KCNH7: variants seen among roughly 807,000 people sequenced by gnomAD.
KCNH7 encodes the protein potassium voltage-gated channel subfamily H member 7.
Under a neutral mutation model 120.8 loss-of-function variants are expected in KCNH7, and 49 were observed. The observed-to-expected ratio is 0.41, with a 90% CI of 0.32 to 0.51. The LOEUF (loss-of-function observed/expected upper bound fraction) is 0.51. Ranked by LOEUF, KCNH7 falls within the 20% of genes least tolerant of loss-of-function variation. KCNH7 has a pLI of 0.38. For synonymous variants in KCNH7, 547 were observed against 516.1 expected (o/e 1.06, Z -0.81); for missense variants, 1,097 against 1,446.6 (o/e 0.76, Z 3.92).
chr2:162,545,656 A>G (rs1692455109), intron 2 of KCNH7, among the ~76,000 whole-genome samples: 1 of 152,210 alleles, frequency 6.6e-6, no homozygotes, highest in Non-Finnish European at 1.5e-5. Flanking sequence ...GCTTGTTCTA[A>G]GTTAAAAGAT....
chr2:162,768,521 A>T lies in KCNH7; in HGVS notation c.307+68016T>A, dbSNP rs559437828. Among the ~76,000 whole-genome samples the T allele has an allele frequency of 1.6e-4, 25 of 152,318 alleles. No homozygotes were observed. The South Asian group carries it at 4.3e-3, about 26-fold the overall frequency. On this transcript the variant is annotated intron_variant, in intron 2 of 15. Transcript: ENST00000332142. ...AATTAAGCAATGCCACATTTGGATC[A>T]TGAACATGGATATAGGATAGAGAAA...
intron 12 of KCNH7, among the ~76,000 whole-genome samples, chr2:162,393,903 T>G (rs139930835): frequency 7.9e-5 from 12 of 152,046 alleles, no homozygotes; most frequent in Non-Finnish European, 1.3e-4. Context: ...TAAATGAATA[T>G]TTGTTGACTA....
At chr2:162,491,033 C>T (rs929035543) in intron 6 of KCNH7, among the ~76,000 whole-genome samples, 2 of 152,142 alleles carry the variant, frequency 1.3e-5, no homozygotes, top group African/African-American at 2.4e-5. Context: ...TCAGTGACCA[C>T]GCAGGACAGG....
intron 2 of KCNH7, among the ~76,000 whole-genome samples, chr2:162,762,779 T>G (rs886200779): frequency 3.3e-5 from 5 of 152,068 alleles, no homozygotes; most frequent in African/African-American, 4.8e-5. Flanking sequence ...TATAAAATTG[T>G]CATGAGACAT....
rs79511291 is a variant in KCNH7, at chr2:162,621,581, G to A, written c.308-84501C>T. Among the ~76,000 whole-genome samples, 750 of 152,138 alleles carry A rather than the reference G, an allele frequency of 4.9e-3. 7 individuals are homozygous for A. The highest frequency in any genetic ancestry group is 0.017 in the African/African-American group (716 of 41,516). On this transcript the variant is annotated intron_variant, in intron 2 of 15. Coordinates refer to ENST00000332142, the MANE Select transcript of KCNH7 (RefSeq NM_033272.4). Reference sequence around the variant, plus strand: ...TTGCTGAGTGGGTGAATAAAACCACGTAGAATTATTATGTGCATATATATT... The same window carrying A: ...TTGCTGAGTGGGTGAATAAAACCACATAGAATTATTATGTGCATATATATT...
chr2:162,395,365 G>C (rs1365676679), intron 11 of KCNH7, among the ~76,000 whole-genome samples: 1 of 151,614 alleles, frequency 6.6e-6, no homozygotes, highest in Admixed American at 6.6e-5. Flanking sequence ...TTATCGTAAG[G>C]TTAAATTTCA....
chr2:162,448,368 A>G, intron 6 of KCNH7, among the ~76,000 whole-genome samples: 1 of 152,130 alleles, frequency 6.6e-6, no homozygotes, highest in Non-Finnish European at 1.5e-5. Flanking sequence ...TGGCTTTCAA[A>G]GTCATTAAAG....
intron 6 of KCNH7, among the ~76,000 whole-genome samples, chr2:162,476,458 C>G (rs1393935109): frequency 1.3e-5 from 2 of 152,196 alleles, no homozygotes; most frequent in South Asian, 2.1e-4. Flanking sequence ...GATGCTGAAA[C>G]TAGATAATTT....
Position 162,423,390 on chromosome 2 carries a change from A to C in KCNH7, c.2100T>G (p.Leu700=), listed in dbSNP as rs765591841. The change falls in exon 9 of 16, where the codon CTT becomes CTG. Residue 700 remains leucine (L), a synonymous_variant. Coordinates refer to ENST00000332142, the MANE Select transcript of KCNH7 (RefSeq NM_033272.4). ...HQIPNPLRQR[L]EEYFQHAWTY... is the part of the protein sequence containing the mutation. ...TCCATGCGTGCTGGAAATATTCTTC[A>C]AGACGTTGCCTCAGAGGGTTGGGGA... is the stretch of plus-strand genomic sequence containing the variant. 6.2e-7 allele frequency: 1 copy of C among 1,614,136 alleles called. No homozygotes were observed. Among genetic ancestry groups the C allele is most frequent in the East Asian group, 2.2e-5 (1 of 44,872 alleles).
chr2:162,596,369 G>A (rs1292965419), intron 2 of KCNH7, among the ~76,000 whole-genome samples: 1 of 152,018 alleles, frequency 6.6e-6, no homozygotes, highest in Non-Finnish European at 1.5e-5. Flanking sequence ...TCAACTAATG[G>A]AATAAGACAG....
chr2:162,443,716 C>T (rs1462501317), intron 7 of KCNH7, among the ~76,000 whole-genome samples: 1 of 152,188 alleles, frequency 6.6e-6, no homozygotes, highest in Non-Finnish European at 1.5e-5. Context: ...CAGATGACAG[C>T]CTTTGCAGTC....
intron 2 of KCNH7, among the ~76,000 whole-genome samples, chr2:162,653,216 C>T (rs1684629582): frequency 6.6e-6 from 1 of 152,148 alleles, no homozygotes; most frequent in South Asian, 2.1e-4. Flanking sequence ...ATTGACATTT[C>T]TATTAAGTAT....
At chr2:162,508,360 A>C (rs1228234856) in intron 5 of KCNH7, among the ~76,000 whole-genome samples, 1 of 151,292 alleles carries the variant, frequency 6.6e-6, no homozygotes, top group Non-Finnish European at 1.5e-5. Flanking sequence ...TAAATAGTTA[A>C]TCCACATTTT....
intron 2 of KCNH7, among the ~76,000 whole-genome samples, chr2:162,715,406 T>A (rs1687077194): frequency 6.6e-6 from 1 of 152,132 alleles, no homozygotes; most frequent in African/African-American, 2.4e-5. Context: ...AGGACCCATC[T>A]CCAGCATCAG....
chr2:162,661,505 T>C (rs1043785959), intron 2 of KCNH7, among the ~76,000 whole-genome samples: 6 of 152,182 alleles, frequency 3.9e-5, no homozygotes, highest in Non-Finnish European at 8.8e-5. Flanking sequence ...TGAAAGGTCA[T>C]TGTATGTAAT....
intron 2 of KCNH7, among the ~76,000 whole-genome samples, chr2:162,679,656 T>C (rs1442451947): frequency 2.0e-5 from 3 of 151,700 alleles, no homozygotes; most frequent in East Asian, 3.9e-4. Context: ...CATTATCTTA[T>C]TTCTTATCCA....
chr2:162,390,375 C>T (rs1214173511), intron 12 of KCNH7, among the ~76,000 whole-genome samples: 1 of 151,450 alleles, frequency 6.6e-6, no homozygotes, highest in Non-Finnish European at 1.5e-5. Flanking sequence ...GTATATTATA[C>T]AGTGAACACA....
rs187984820 is a variant in KCNH7 at position 162,371,839 on chromosome 2, G to T, written c.3581C>A (p.Pro1194Gln). ...AATAGTACAAAATGATTATTTCCCT[G>T]GAAGACCAGGATCAGAAACATGCCT... ...LHRHVSDPGL[P>Q]GK Residue 1194 changes from proline (P) to glutamine (Q), a missense_variant, in exon 16 of 16, where the codon CCA (proline) becomes CAA (glutamine). Pro to Gln is a moderately conservative substitution (Grantham distance 76). Transcript: ENST00000332142. The T allele has an allele frequency of 6.2e-7, 1 of 1,608,176 alleles. No individual in the cohort carries two copies. Among genetic ancestry groups the T allele is most frequent in the East Asian group, 2.2e-5 (1 of 44,674 alleles).
intron 2 of KCNH7, among the ~76,000 whole-genome samples, chr2:162,639,706 A>G (rs958777777): frequency 6.6e-6 from 1 of 152,144 alleles, no homozygotes; most frequent in Non-Finnish European, 1.5e-5. Flanking sequence ...TATTGAACAC[A>G]GTGCTAGAAA....
Sources: allele counts gnomAD v4.1 joint callset (sites outside exome capture counted in the v4.1 genomes callset), GRCh38; gene constraint gnomAD v4.1.1; transcripts MANE v1.5; gene names NCBI Gene and HGNC (gene_info 2026-07-23, HGNC 2026-07-21).